The following IKZF2 variants were observed in gnomAD, a reference collection of about 807,000 sequenced individuals.
IKZF2 encodes the protein IKAROS family zinc finger 2.
Under a neutral mutation model 49.2 loss-of-function variants are expected in IKZF2, and 15 were observed. That is an observed-to-expected ratio of 0.30 (90% CI 0.20 to 0.47). The LOEUF is 0.47. Among genes scored for constraint, IKZF2 ranks in the 20% least tolerant of loss-of-function variants. The probability of loss-of-function intolerance (pLI) is 1.00; values close to 1 mark genes in which losing one functional copy is unlikely to be tolerated. For missense variants in IKZF2, 567 were observed against 664.6 expected (o/e 0.85, Z 1.61); for synonymous variants, 227 against 221.4 (o/e 1.03, Z -0.23).
At chr2:213,084,500 A>G (rs1704335047) in intron 4 of IKZF2, among the ~76,000 whole-genome samples, 1 of 152,154 alleles carries the variant, frequency 6.6e-6, no homozygotes, top group Admixed American at 6.5e-5. Flanking sequence ...GGGGTAAGGA[A>G]ATGAACATAT....
At chr2:213,038,768 A>G (rs903426331) in intron 6 of IKZF2, among the ~76,000 whole-genome samples, 2 of 152,338 alleles carry the variant, frequency 1.3e-5, no homozygotes, top group East Asian at 3.9e-4. Flanking sequence ...GCTACAGTAC[A>G]TTAGAAAATA....
At chr2:213,106,732 T>C (rs2059545440) in intron 4 of IKZF2, among the ~76,000 whole-genome samples, 1 of 152,020 alleles carries the variant, frequency 6.6e-6, no homozygotes, top group South Asian at 2.1e-4. Flanking sequence ...TATCTAAAAG[T>C]TTCTTGCCAC....
At position 213,001,831 on chromosome 2, in the gene IKZF2, G is replaced by C. The variant is rs1224147267; in HGVS notation, c.*5529C>G. 6.6e-6 allele frequency: 1 copy of C among 151,680 alleles called. No individual in the cohort carries two copies. The highest frequency in any genetic ancestry group is 1.5e-5 in the Non-Finnish European group (1 of 67,468). The allele number at this position is 151,680 out of a possible 1,614,324, so 9.4% of individuals were successfully genotyped here. On this transcript the variant is annotated 3_prime_UTR_variant, in exon 9 of 9. Coordinates refer to ENST00000434687, the MANE Select transcript of IKZF2 (RefSeq NM_001387220.1). ...AGGGAGTTATGTTCAAAATCAGAAT[G>C]CTTGACTGTAAAAAATTTTTAAATC...
intron 5 of IKZF2, among the ~76,000 whole-genome samples, chr2:213,050,502 T>C (rs914069667): frequency 4.6e-5 from 7 of 152,188 alleles, no homozygotes; most frequent in African/African-American, 1.7e-4. Flanking sequence ...ATGAACCAGC[T>C]TACAAAGCTC....
At chr2:213,101,552 C>A (rs932816828) in intron 4 of IKZF2, among the ~76,000 whole-genome samples, 17 of 150,350 alleles carry the variant, frequency 1.1e-4, no homozygotes, top group Admixed American at 2.7e-4. Flanking sequence ...TCTGAGATTA[C>A]AAAAAAAAAA....
Position 213,141,283 on chromosome 2 carries a change from T to C in IKZF2, c.139+6425A>G, listed in dbSNP as rs116325703. 5.9e-3 allele frequency among the ~76,000 whole-genome samples: 890 copies of C among 152,098 alleles called. 12 individuals carry two copies. The highest frequency in any genetic ancestry group is 0.02 in the African/African-American group (836 of 41,558). Reference sequence around the variant, plus strand: ...TGAAACAGCCTGTTAAATATGCACCTGCCTAGAGACTGGTCCCCATCCACA... The same window carrying C: ...TGAAACAGCCTGTTAAATATGCACCCGCCTAGAGACTGGTCCCCATCCACA... On this transcript the variant is annotated intron_variant, in intron 4 of 8. Coordinates refer to ENST00000434687, the MANE Select transcript of IKZF2 (RefSeq NM_001387220.1).
intron 8 of IKZF2, 54 bp from the exon 9 acceptor site, chr2:213,008,138 A>G: frequency 5.4e-6 from 8 of 1,483,592 alleles, no homozygotes; most frequent in South Asian, 2.8e-5. Flanking sequence ...ATACAACAAC[A>G]TTAGTATCAG....
At chr2:213,086,922 C>CA (rs898921821) in intron 4 of IKZF2, among the ~76,000 whole-genome samples, 4 of 152,010 alleles carry the variant, frequency 2.6e-5, no homozygotes, top group Non-Finnish European at 5.9e-5. Flanking sequence ...ACACTATTGC[C>CA]AAAAAACAGA....
rs112905092 is a variant in IKZF2, at chr2:213,147,501, C to T, written c.139+207G>A. 0.012 allele frequency: 7,621 copies of T among 648,006 alleles called. 64 individuals are homozygous for T. Among genetic ancestry groups the T allele is most frequent in the Non-Finnish European group, 0.016 (5,705 of 359,136 alleles). 40.1% of individuals were successfully genotyped at this position (648,006 alleles called of 1,614,324 possible). A position where few individuals can be genotyped will look rare whatever the true frequency, so the allele number is the denominator to read the frequency against. ...ACAGGTAAGCACCAGCTCCCAAATGCCACCTTGGGATAGTTCAGACTAGTA... is the reference window on the plus strand; with the variant it reads ...ACAGGTAAGCACCAGCTCCCAAATGTCACCTTGGGATAGTTCAGACTAGTA... On this transcript the variant is annotated intron_variant, in intron 4 of 8. Transcript: ENST00000434687.
At chr2:213,085,307 G>T (rs1704458585) in intron 4 of IKZF2, among the ~76,000 whole-genome samples, 1 of 152,040 alleles carries the variant, frequency 6.6e-6, no homozygotes, top group African/African-American at 2.4e-5. Flanking sequence ...AAGCCTTTTG[G>T]ACACATGTTC....
intron 4 of IKZF2, among the ~76,000 whole-genome samples, chr2:213,134,547 T>A (rs1465162573): frequency 2.0e-5 from 3 of 152,358 alleles, no homozygotes; most frequent in East Asian, 3.9e-4. Context: ...ACTTAATAAC[T>A]AGGCACCACT....
At chr2:213,051,318 T>C (rs1310386726) in intron 5 of IKZF2, among the ~76,000 whole-genome samples, 1 of 151,982 alleles carries the variant, frequency 6.6e-6, no homozygotes, top group Non-Finnish European at 1.5e-5. Flanking sequence ...ATTTAGTGTT[T>C]TGGGAGTTAA....
At chr2:213,134,519 T>C (rs1340824427) in intron 4 of IKZF2, among the ~76,000 whole-genome samples, 1 of 152,242 alleles carries the variant, frequency 6.6e-6, no homozygotes, top group Non-Finnish European at 1.5e-5. Flanking sequence ...ATAATAGCAC[T>C]GGTTTATAAC....
intron 4 of IKZF2, among the ~76,000 whole-genome samples, chr2:213,138,984 G>C (rs1056867376): frequency 1.3e-5 from 2 of 151,956 alleles, no homozygotes; most frequent in African/African-American, 4.8e-5. Context: ...CACATCAGCT[G>C]TCGAGATTTC....
At chr2:213,062,818 A>G (rs1222244679) in intron 4 of IKZF2, among the ~76,000 whole-genome samples, 1 of 152,008 alleles carries the variant, frequency 6.6e-6, no homozygotes, top group African/African-American at 2.4e-5. Context: ...TCTCTCACGT[A>G]AACTTTCTAA....
chr2:213,013,707 C>T, intron 8 of IKZF2, 84 bp downstream of exon 8: 1 of 1,234,228 alleles, frequency 8.1e-7, no homozygotes, highest in African/African-American at 1.5e-5. Context: ...CTGAAACACA[C>T]CATATATATT....
intron 4 of IKZF2, among the ~76,000 whole-genome samples, chr2:213,102,739 T>G (rs1706853427): frequency 6.6e-6 from 1 of 152,112 alleles, no homozygotes; most frequent in Non-Finnish European, 1.5e-5. Context: ...AATAATCAAT[T>G]GTTCTATTCT....
At chr2:213,061,492 G>GT (rs1447106850) in intron 4 of IKZF2, among the ~76,000 whole-genome samples, 1 of 120,768 alleles carries the variant, frequency 8.3e-6, no homozygotes, top group Non-Finnish European at 1.8e-5. Flanking sequence ...ACTTGAAAAA[G>GT]TAAAAAAAAA....
chr2:213,128,814 T>TC (rs1321710568), intron 4 of IKZF2, among the ~76,000 whole-genome samples: 2 of 147,728 alleles, frequency 1.4e-5, no homozygotes, highest in Admixed American at 1.4e-4. Flanking sequence ...CTTTTTTTTT[T>TC]TTTTTTTTTG....
Sources: gnomAD v4.1 joint callset for allele counts (sites outside exome capture counted in the v4.1 genomes callset) on GRCh38, gnomAD v4.1.1 for gene constraint, MANE v1.5 for transcripts, NCBI Gene and HGNC (gene_info 2026-07-23, HGNC 2026-07-21) for gene names.